HTRA2: variants seen among roughly 807,000 people sequenced by gnomAD.
HTRA2 encodes HtrA serine peptidase 2, also known as serine protease HTRA2, mitochondrial.
A neutral mutation model predicts 42.2 loss-of-function variants in HTRA2; 24 were observed. The observed-to-expected ratio is 0.57, with a 90% CI of 0.41 to 0.80. The LOEUF (loss-of-function observed/expected upper bound fraction) is 0.80. Ranked by LOEUF, HTRA2 falls within the 30% of genes least tolerant of loss-of-function variation. HTRA2 has a pLI of 0.00. For missense variants in HTRA2, 466 were observed against 613.5 expected (o/e 0.76, Z 2.54); for synonymous variants, 245 against 255.8 (o/e 0.96, Z 0.40).
intron 4 of HTRA2, 95 bp from the exon 5 acceptor site, chr2:74,531,502 C>T (rs1310355016): frequency 1.2e-6 from 2 of 1,610,314 alleles, no homozygotes; most frequent in African/African-American, 1.3e-5. Flanking sequence ...CAATATCCAA[C>T]CAGATCTCCC....
At position 74,530,028 on chromosome 2, in the gene HTRA2, C is replaced by CGGGGT; in HGVS notation, c.24_28dup (p.Ala10GlyfsTer24). 1 of 1,548,258 alleles carries CGGGGT rather than the reference C, an allele frequency of 6.5e-7. No homozygotes were observed. The highest frequency in any genetic ancestry group is 8.8e-7 in the Non-Finnish European group (1 of 1,142,062). On this transcript the variant is annotated frameshift_variant, in exon 1 of 8. Transcript: ENST00000258080. LOFTEE classifies it high-confidence loss of function. This position sits in a 1 kb window ranked among gnomAD's most constrained non-coding sequence, Gnocchi z 7.4. ...GCTGATGGCTGCGCCGAGGGCGGGG[C>CGGGGT]GGGGTGCAGGCTGGAGCCTTCGGGC...
rs764612851 is a variant in HTRA2, at chr2:74,532,841, T to C, written c.1233T>C (p.Asp411=). 62 of 1,614,042 alleles carry C rather than the reference T, an allele frequency of 3.8e-5. No individual in the cohort carries two copies. Among genetic ancestry groups the C allele is most frequent in the Non-Finnish European group, 4.7e-5 (56 of 1,180,036 alleles). Residue 411 remains aspartate, a synonymous_variant, in exon 8 of 8, where the codon GAT becomes GAC. Coordinates refer to ENST00000258080, the MANE Select transcript of HTRA2 (RefSeq NM_013247.5). The part of the protein sequence containing the change: ...PAHRAGLRPG[D]VILAIGEQMV... The stretch of plus-strand genomic sequence containing the variant: ...ATAGGGCTGGTCTGCGGCCTGGTGA[T>C]GTGATTTTGGCCATTGGGGAGCAGA...
Position 74,530,136 on chromosome 2 carries a change from T to C in HTRA2, c.130T>C (p.Ser44Pro). The change falls in exon 1 of 8, where the codon TCT becomes CCT. Residue 44 changes from serine (S) to proline (P), a missense_variant. By Grantham distance (74) the Ser-to-Pro change is moderately conservative (BLOSUM62 -1). Coordinates refer to ENST00000258080, the MANE Select transcript of HTRA2 (RefSeq NM_013247.5). This position sits in a 1 kb window ranked among gnomAD's most constrained non-coding sequence, Gnocchi z 7.4. ...CCGGGCCCTGCTGACGTCAGGAACT[T>C]CTGACCCCCGGGCCCGAGTGACTTA... ...DLRALLTSGT[S>P]DPRARVTYGT... The C allele has an allele frequency of 6.2e-7, 1 of 1,612,224 alleles. No individual in the cohort carries two copies. The highest frequency in any genetic ancestry group is 8.5e-7 in the Non-Finnish European group (1 of 1,179,322).
chr2:74,531,791 C>G, intron 5 of HTRA2, 65 bp from the exon 6 acceptor site: 1 of 1,611,888 alleles, frequency 6.2e-7, no homozygotes, highest in South Asian at 1.1e-5. Flanking sequence ...GGGTGGTCTA[C>G]TGGGAGAAGA....
At position 74,531,877 on chromosome 2, in the gene HTRA2, G is replaced by C; in HGVS notation, c.1067G>C (p.Gly356Ala). ...ACAGATTCCTCCTCCGGAATCAGTG[G>C]GTCCCAGCGGCGCTACATTGGGGTG... ...EKKNSSSGIS[G>A]SQRRYIGVMM... The change falls in exon 6 of 8, where the codon GGG becomes GCG. Residue 356 changes from glycine to alanine, a missense_variant. Physicochemically the swap from Gly to Ala is moderately conservative, Grantham distance 60. Coordinates refer to ENST00000258080, the MANE Select transcript of HTRA2 (RefSeq NM_013247.5). 1 of 1,614,052 alleles carries C rather than the reference G, an allele frequency of 6.2e-7. No homozygotes were observed.
chr2:74,531,288 C>T (rs757381657), intron 3 of HTRA2, 51 bp from the exon 4 acceptor site: 1 of 1,604,822 alleles, frequency 6.2e-7, no homozygotes, highest in Non-Finnish European at 8.5e-7. Flanking sequence ...CTGGTATGCC[C>T]CCAGACTTAG....
At position 74,530,336 on chromosome 2, in the gene HTRA2, G is replaced by T. The variant is rs1366435172; in HGVS notation, c.330G>T (p.Ala110=). 1.3e-6 allele frequency: 2 copies of T among 1,591,536 alleles called. No homozygotes were observed. The highest frequency in any genetic ancestry group is 2.3e-5 in the East Asian group (1 of 43,888). ...GTTCGCGCGCGTGGCTGGCGGTGGC[G>T]CTGGGCGCTGGGGGGGCAGTGCTGT... is the stretch of plus-strand genomic sequence containing the variant. ...GTRSRAWLAV[A]LGAGGAVLLL... is the part of the protein sequence containing the mutation. The change falls in exon 1 of 8, where the codon GCG becomes GCT. Residue 110 remains alanine, a synonymous_variant. Transcript: ENST00000258080. This position sits in a 1 kb window ranked among gnomAD's most constrained non-coding sequence, Gnocchi z 7.4.
In HTRA2 at chr2:74,531,867, G is replaced by C. The variant is rs755545814; in HGVS notation, c.1057G>C (p.Gly353Arg). Residue 353 changes from glycine (G) to arginine (R), a missense_variant, in exon 6 of 8, where the codon GGA becomes CGA. Transcript: ENST00000258080. ...HRGEKKNSSS[G>R]ISGSQRRYIG... The stretch of plus-strand genomic sequence containing the variant: ...TCCCTCTGTCACAGATTCCTCCTCC[G>C]GAATCAGTGGGTCCCAGCGGCGCTA... 1.9e-6 allele frequency: 3 copies of C among 1,614,024 alleles called. No individual in the cohort carries two copies. The highest frequency in any genetic ancestry group is 2.5e-6 in the Non-Finnish European group (3 of 1,180,026).
At position 74,530,791 on chromosome 2, in the gene HTRA2, A is replaced by C. The variant is rs1285835797; in HGVS notation, c.681A>C (p.Ala227=). Residue 227 remains alanine, a synonymous_variant, in exon 2 of 8, where the codon GCA becomes GCC. Coordinates refer to ENST00000258080, the MANE Select transcript of HTRA2 (RefSeq NM_013247.5). The surrounding 1 kb of genome is among the most constrained non-coding windows in gnomAD (Gnocchi z 7.4). ...TGGTCACAGCTGTGGATCCCGTGGC[A>C]GACATCGCAACGCTGAGGATTCAGA... The part of the protein sequence containing the change: ...EAVVTAVDPV[A]DIATLRIQTK... 2.5e-6 allele frequency: 4 copies of C among 1,614,056 alleles called. No individual in the cohort carries two copies. Among genetic ancestry groups the C allele is most frequent in the Non-Finnish European group, 3.4e-6 (4 of 1,180,040 alleles).
upstream of HTRA2, chr2:74,529,912 G>A: frequency 6.8e-7 from 1 of 1,471,528 alleles, no homozygotes; most frequent in Admixed American, 2.4e-5. Flanking sequence ...AAGGACTTCA[G>A]GTACCGGCGT....
chr2:74,532,143 T>C (rs551436305), intron 6 of HTRA2, among the ~76,000 whole-genome samples: 1 of 152,280 alleles, frequency 6.6e-6, no homozygotes, highest in East Asian at 1.9e-4. Context: ...ACTGCTTTGA[T>C]TTCAAGCCTT....
chr2:74,530,625 TC>T lies in HTRA2; in HGVS notation c.516del (p.Leu173TrpfsTer36). ...VYIEILDRHP[F>X]LGREVPISNG... ...CTTTCCCTCCATTTCAGGCACCCTT[TC>T]TTGGGCCGCGAGGTCCCTATCTCGA... is the stretch of plus-strand genomic sequence containing the variant. On this transcript the variant is annotated frameshift_variant, in exon 2 of 8. Coordinates refer to ENST00000258080, the MANE Select transcript of HTRA2 (RefSeq NM_013247.5). LOFTEE classifies it high-confidence loss of function. This position sits in a 1 kb window ranked among gnomAD's most constrained non-coding sequence, Gnocchi z 7.4. 1 of 1,614,100 alleles carries T rather than the reference TC, an allele frequency of 6.2e-7. No individual in the cohort carries two copies. Among genetic ancestry groups the T allele is most frequent in the Non-Finnish European group, 8.5e-7 (1 of 1,180,026 alleles).
rs1334142040 is a variant in HTRA2 at position 74,529,999 on chromosome 2, C to CCTT, written c.-8_-7insCTT. On this transcript the variant is annotated 5_prime_UTR_variant, in exon 1 of 8. Coordinates refer to ENST00000258080, the MANE Select transcript of HTRA2 (RefSeq NM_013247.5). ...AGGGCGGGCGAGGAGGCAGCCAAGG[C>CCTT]GGAGCTGATGGCTGCGCCGAGGGCG... The CCTT allele has an allele frequency of 9.8e-6, 15 of 1,524,662 alleles. No homozygotes were observed. In the African/African-American group the frequency reaches 2.1e-4, roughly 21 times the overall value. The allele number at this position is 1,524,662 out of a possible 1,614,324, so 94.4% of individuals were successfully genotyped here.
chr2:74,530,416 G>T lies in HTRA2; in HGVS notation c.410G>T (p.Ser137Ile). The T allele has an allele frequency of 6.2e-7, 1 of 1,600,288 alleles. No homozygotes were observed. ...GPPAVLAAVP[S>I]PPPASPRSQY... ...CCGGCCGTCCTCGCCGCCGTCCCTA[G>T]CCCGCCGCCCGCTTCTCCCCGGAGT... Residue 137 changes from serine to isoleucine, a missense_variant, in exon 1 of 8, where the codon AGC becomes ATC. By Grantham distance (142) the Ser-to-Ile change is moderately radical. This residue lies in a region of HTRA2 where 222 missense variants were observed against 205.1 expected (regional missense o/e 1.08). Coordinates refer to ENST00000258080, the MANE Select transcript of HTRA2 (RefSeq NM_013247.5). This position sits in a 1 kb window ranked among gnomAD's most constrained non-coding sequence, Gnocchi z 7.4.
At chr2:74,529,514 C>G (rs762943096), upstream of HTRA2, 20 of 1,548,968 alleles carry the variant, frequency 1.3e-5, no homozygotes, top group East Asian at 4.8e-4. Context: ...GGGCGAGAGG[C>G]GAAGTGGTCA....
chr2:74,532,034 A>G (rs1675649234), intron 6 of HTRA2, 109 bp downstream of exon 6: 1 of 1,057,312 alleles, frequency 9.5e-7, no homozygotes, highest in Non-Finnish European at 1.4e-6. Context: ...GAACTGTGTC[A>G]CACTTGAAAT....
At position 74,531,583 on chromosome 2, in the gene HTRA2, C is replaced by A; in HGVS notation, c.940-14C>A. ...TTTGTTTAGGCTAGGGAACTGGGGG[C>A]TGTATCCCTGCAGGATGGGGAGGTG... On this transcript the variant is annotated splice_polypyrimidine_tract_variant and intron_variant, in intron 4 of 7. Transcript: ENST00000258080. 6.2e-7 allele frequency: 1 copy of A among 1,614,184 alleles called. No individual in the cohort carries two copies.
At chr2:74,531,315 T>C (rs1675582293) in intron 3 of HTRA2, 24 bp from the exon 4 acceptor site, 1 of 1,613,388 alleles carries the variant, frequency 6.2e-7, no homozygotes, top group African/African-American at 1.3e-5. Flanking sequence ...CAGATCTCTT[T>C]CATGTTTTCT....
rs774219227 is a variant in HTRA2, at chr2:74,530,426, C to G, written c.420C>G (p.Pro140=). The change falls in exon 1 of 8, where the codon CCC becomes CCG. Residue 140 remains proline, a synonymous_variant. Coordinates refer to ENST00000258080, the MANE Select transcript of HTRA2 (RefSeq NM_013247.5). The surrounding 1 kb of genome is among the most constrained non-coding windows in gnomAD (Gnocchi z 7.4). ...TCGCCGCCGTCCCTAGCCCGCCGCC[C>G]GCTTCTCCCCGGAGTCAGTACAACT... ...AVLAAVPSPP[P]ASPRSQYNFI... is the part of the protein sequence containing the mutation. The G allele has an allele frequency of 6.2e-6, 10 of 1,603,032 alleles. No homozygotes were observed. The African/African-American group carries it at 1.2e-4, about 19-fold the overall frequency.
Sources: allele counts gnomAD v4.1 joint callset (sites outside exome capture counted in the v4.1 genomes callset), GRCh38; gene constraint gnomAD v4.1.1; regional missense constraint gnomAD v4.1.1; non-coding constraint Gnocchi (gnomAD v3.1); transcripts MANE v1.5; gene names NCBI Gene and HGNC (gene_info 2026-07-23, HGNC 2026-07-21).